FNBP1: variants seen among roughly 807,000 people sequenced by gnomAD.
FNBP1 encodes the protein formin-binding protein 1.
FNBP1 carries 26 observed loss-of-function variants against 90.6 expected under a neutral mutation model. The observed-to-expected ratio is 0.29, with a 90% confidence interval of 0.21 to 0.40. The LOEUF (loss-of-function observed/expected upper bound fraction) is 0.40, where lower values mean the gene tolerates loss of function less well. FNBP1 is among the 10% of genes least tolerant of loss of function. The pLI, the probability that FNBP1 is intolerant of heterozygous loss-of-function variation, is 1.00. For missense variants in FNBP1, 635 were observed against 768.0 expected, an observed-to-expected ratio of 0.83 and a Z score of 2.05; for synonymous variants, 260 against 265.2, an observed-to-expected ratio of 0.98 and a Z score of 0.19.
intron 12 of FNBP1, among the ~76,000 whole-genome samples, chr9:129,904,562 T>A (rs983155496): frequency 6.6e-6 from 1 of 152,184 alleles, no homozygotes; most frequent in Non-Finnish European, 1.5e-5. Context: ...TTCTGAGTCA[T>A]GAGAAATAGT....
At chr9:129,993,063 C>A (rs1589130857) in intron 2 of FNBP1, among the ~76,000 whole-genome samples, 1 of 150,558 alleles carries the variant, frequency 6.6e-6, no homozygotes, top group Non-Finnish European at 1.5e-5. Flanking sequence ...ACTCTCTCTA[C>A]TAAAAATACA....
chr9:130,022,844 T>C (rs1230808507), intron 1 of FNBP1, among the ~76,000 whole-genome samples: 2 of 152,180 alleles, frequency 1.3e-5, no homozygotes, highest in Admixed American at 6.5e-5. Context: ...CAACTAATTT[T>C]TGTTTTTGTT....
At chr9:130,032,462 T>C (rs984134873) in intron 1 of FNBP1, among the ~76,000 whole-genome samples, 2 of 152,202 alleles carry the variant, frequency 1.3e-5, no homozygotes, top group Admixed American at 1.3e-4. Flanking sequence ...TGAGCCACCG[T>C]GCCTGGCCAA....
At chr9:129,979,863 G>A (rs1057274839) in intron 2 of FNBP1, among the ~76,000 whole-genome samples, 2 of 151,274 alleles carry the variant, frequency 1.3e-5, no homozygotes, top group Non-Finnish European at 2.9e-5. Flanking sequence ...GGCTAGTCTC[G>A]AACTCCAGAC....
chr9:129,894,826 G>A (rs1310235940), intron 16 of FNBP1, among the ~76,000 whole-genome samples: 1 of 152,264 alleles, frequency 6.6e-6, no homozygotes, highest in Admixed American at 6.5e-5. Flanking sequence ...TTGGGAGGCA[G>A]AAGCAGGCAG....
intron 11 of FNBP1, among the ~76,000 whole-genome samples, chr9:129,912,753 G>A (rs1267948232): frequency 1.3e-5 from 2 of 149,992 alleles, no homozygotes; most frequent in Non-Finnish European, 3.0e-5. Flanking sequence ...TCGTTAATAT[G>A]TGCTGAGCCT....
At position 129,887,754 on chromosome 9, in the gene FNBP1, A is replaced by G. The variant is rs2034837101; in HGVS notation, c.*2785T>C. 4.4e-6 allele frequency: 1 copy of G among 225,876 alleles called. No homozygotes were observed. The highest frequency in any genetic ancestry group is 2.2e-5 in the African/African-American group (1 of 44,918). The allele number at this position is 225,876 out of a possible 1,614,324, so 14.0% of individuals were successfully genotyped here. A position where few individuals can be genotyped will look rare whatever the true frequency, so the allele number is the denominator to read the frequency against. On this transcript the variant is annotated 3_prime_UTR_variant, in exon 17 of 17. Transcript: ENST00000446176. ...CCTCCCTTTCACTGCGTTTCTAAGA[A>G]CTTTTCAGGGCAGGTTCTTTTAAAA... is the stretch of plus-strand genomic sequence containing the variant.
At chr9:129,891,644 AT>A (rs1228942757) in intron 16 of FNBP1, among the ~76,000 whole-genome samples, 1 of 152,192 alleles carries the variant, frequency 6.6e-6, no homozygotes, top group Non-Finnish European at 1.5e-5. Context: ...AAAGCTCTTC[AT>A]CTCAAGGAGA....
Position 130,026,984 on chromosome 9 carries a change from G to C in FNBP1, c.24+15968C>G, listed in dbSNP as rs568829508. ...CTGTCTCAAAAAAAAAAAAAAAAAA[G>C]TTTTGTCTTTTGTTTTATATTCCTC... On this transcript the variant is annotated intron_variant, in intron 1 of 16. Transcript: ENST00000446176. 4.8e-5 allele frequency among the ~76,000 whole-genome samples: 7 copies of C among 146,974 alleles called. No individual in the cohort carries two copies. The East Asian group carries it at 1.4e-3, about 29-fold the overall frequency.
At chr9:129,985,589 G>A (rs1163273658) in intron 2 of FNBP1, among the ~76,000 whole-genome samples, 2 of 152,134 alleles carry the variant, frequency 1.3e-5, no homozygotes, top group African/African-American at 2.4e-5. Flanking sequence ...GCCGAGGTGG[G>A]CAGGTCAACT....
At chr9:129,908,200 CTCTCTT>C (rs1405222601) in intron 12 of FNBP1, among the ~76,000 whole-genome samples, 26 of 89,796 alleles carry the variant, frequency 2.9e-4, no homozygotes, top group East Asian at 2.2e-3. Context: ...GCTGGTCTCT[CTCTCTT>C]TTTTTTTTTT....
intron 1 of FNBP1, among the ~76,000 whole-genome samples, chr9:130,010,993 G>T (rs1033366306): frequency 6.6e-6 from 1 of 150,670 alleles, no homozygotes; most frequent in African/African-American, 2.4e-5. Flanking sequence ...AAGAGGAAAT[G>T]AGAAGAATAA....
intron 10 of FNBP1, chr9:129,918,944 T>C (rs2040678380): frequency 5.4e-6 from 1 of 184,188 alleles, no homozygotes; most frequent in African/African-American, 2.4e-5. Context: ...CCTTTATTCA[T>C]GCAAGCTTTT....
chr9:129,991,423 A>C (rs2053135406), intron 2 of FNBP1, among the ~76,000 whole-genome samples: 1 of 151,804 alleles, frequency 6.6e-6, no homozygotes, highest in African/African-American at 2.4e-5. Flanking sequence ...GGTGTGCGCC[A>C]CCATGCCTGG....
At chr9:129,944,639 AAC>A (rs938695848) in intron 6 of FNBP1, among the ~76,000 whole-genome samples, 2 of 152,176 alleles carry the variant, frequency 1.3e-5, no homozygotes, top group Non-Finnish European at 2.9e-5. Context: ...AGATGGCAAT[AAC>A]AGTGTCAGCC....
At chr9:129,909,291 A>T (rs1263514406) in intron 11 of FNBP1, among the ~76,000 whole-genome samples, 8 of 152,214 alleles carry the variant, frequency 5.3e-5, no homozygotes, top group African/African-American at 1.9e-4. Flanking sequence ...TCTAGGGAGA[A>T]TCCATGAAAA....
At chr9:129,953,930 C>CG (rs1294421362) in intron 6 of FNBP1, among the ~76,000 whole-genome samples, 11 of 151,946 alleles carry the variant, frequency 7.2e-5, no homozygotes, top group Admixed American at 6.6e-4. Context: ...TAAGGCTGGG[C>CG]ACAGTGGTTC....
intron 6 of FNBP1, among the ~76,000 whole-genome samples, chr9:129,956,501 G>A (rs1240600521): frequency 6.6e-6 from 1 of 152,172 alleles, no homozygotes. Flanking sequence ...CGCATATTGA[G>A]CCACAATGAG....
intron 10 of FNBP1, among the ~76,000 whole-genome samples, chr9:129,916,832 A>T (rs1487684820): frequency 6.6e-6 from 1 of 152,138 alleles, no homozygotes; most frequent in Non-Finnish European, 1.5e-5. Context: ...AGGGCTGACT[A>T]GCATTGCTCT....
Sources: gnomAD v4.1 joint callset for allele counts (sites outside exome capture counted in the v4.1 genomes callset) on GRCh38, gnomAD v4.1.1 for gene constraint, MANE v1.5 for transcripts, NCBI Gene and HGNC (gene_info 2026-07-23, HGNC 2026-07-21) for gene names.